Variants in SOX30 observed in about 807,000 individuals in gnomAD.
SOX30 encodes transcription factor SOX-30.
SOX30 carries 17 observed loss-of-function variants against 58.6 expected under a neutral mutation model. That is an observed-to-expected ratio of 0.29 (90% CI 0.20 to 0.44). The LOEUF (loss-of-function observed/expected upper bound fraction) is 0.44. Among genes scored for constraint, SOX30 ranks in the 20% least tolerant of loss-of-function variants. SOX30 has a pLI of 1.00. For missense variants in SOX30, 951 were observed against 965.8 expected, an observed-to-expected ratio of 0.98 and a Z score of 0.20; for synonymous variants, 421 against 400.2, an observed-to-expected ratio of 1.05 and a Z score of -0.62.
intron 1 of SOX30, among the ~76,000 whole-genome samples, chr5:157,669,472 A>G (rs1255602235): frequency 1.3e-5 from 2 of 150,734 alleles, no homozygotes; most frequent in Non-Finnish European, 2.9e-5. Flanking sequence ...GGTGTGAGCC[A>G]CCGCGCCCAT....
At chr5:157,667,534 G>A (rs1759695492) in intron 2 of SOX30, among the ~76,000 whole-genome samples, 1 of 152,100 alleles carries the variant, frequency 6.6e-6, no homozygotes, top group Non-Finnish European at 1.5e-5. Flanking sequence ...AGGAATTTGA[G>A]AACAGCCTGG....
At chr5:157,659,897 G>A (rs542834299) in intron 2 of SOX30, among the ~76,000 whole-genome samples, 2 of 152,314 alleles carry the variant, frequency 1.3e-5, no homozygotes, top group African/African-American at 4.8e-5. Flanking sequence ...GAGTGTCTGG[G>A]TTAAGATATG....
At position 157,651,865 on chromosome 5, in the gene SOX30, G is replaced by T; in HGVS notation, c.214C>A (p.Gln72Lys). 3 of 1,562,276 alleles carry T rather than the reference G, an allele frequency of 1.9e-6. No individual in the cohort carries two copies. The South Asian group carries it at 3.5e-5, about 18-fold the overall frequency. ...GLQPAVRRLL[Q>K]VKPEQVLLLP... ...AGCAACACCTGCTCTGGCTTCACCT[G>T]CAGCAGCCGCCGCACCGCGGGCTGT... The change falls in exon 1 of 5, where the codon CAG becomes AAG. Residue 72 changes from glutamine to lysine, a missense_variant. By Grantham distance (53) the Gln-to-Lys change is moderately conservative. This residue lies in a region of SOX30 where 363 missense variants were observed against 294.5 expected (regional missense o/e 1.23). Coordinates refer to ENST00000265007, the MANE Select transcript of SOX30 (RefSeq NM_178424.2).
At chr5:157,633,739 G>A (rs1281929436) in intron 4 of SOX30, among the ~76,000 whole-genome samples, 1 of 152,006 alleles carries the variant, frequency 6.6e-6, no homozygotes, top group Non-Finnish European at 1.5e-5. Context: ...CAATTTAGAT[G>A]CTATTTCTAC....
chr5:157,633,791 C>A (rs1561579537), intron 4 of SOX30, among the ~76,000 whole-genome samples: 1 of 152,204 alleles, frequency 6.6e-6, no homozygotes, highest in Non-Finnish European at 1.5e-5. Context: ...TACAATATAT[C>A]TGAGTGTATT....
chr5:157,665,911 T>C (rs1330195191), intron 2 of SOX30, among the ~76,000 whole-genome samples: 2 of 148,426 alleles, frequency 1.3e-5, no homozygotes, highest in African/African-American at 4.9e-5. Context: ...CTTTTTTTTT[T>C]TTTTTTTTTT....
intron 3 of SOX30, among the ~76,000 whole-genome samples, chr5:157,641,466 A>G (rs890928855): frequency 6.6e-6 from 1 of 152,126 alleles, no homozygotes; most frequent in South Asian, 2.1e-4. Flanking sequence ...TACAAAAATT[A>G]GCCGGGCTTG....
upstream of SOX30, among the ~76,000 whole-genome samples, chr5:157,655,374 C>A (rs1759452131): frequency 2.6e-5 from 4 of 152,158 alleles, no homozygotes; most frequent in South Asian, 8.3e-4. Context: ...GGGTTAGAAG[C>A]CCAACTTAGG....
chr5:157,640,049 G>A (rs995721411), intron 3 of SOX30, among the ~76,000 whole-genome samples: 1 of 152,198 alleles, frequency 6.6e-6, no homozygotes, highest in Non-Finnish European at 1.5e-5. Flanking sequence ...CTATCTGTGA[G>A]GCACAGGCCC....
intron 3 of SOX30, among the ~76,000 whole-genome samples, chr5:157,645,103 T>C (rs1288142527): frequency 1.3e-5 from 2 of 152,204 alleles, no homozygotes. Flanking sequence ...AGTGCCTGCC[T>C]GTGCTAGGAC....
chr5:157,670,431 C>T (rs930894933), intron 1 of SOX30, among the ~76,000 whole-genome samples: 2 of 152,092 alleles, frequency 1.3e-5, no homozygotes, highest in African/African-American at 4.8e-5. Context: ...TGAGATAATC[C>T]AGGTAAAGAG....
At chr5:157,658,127 G>T (rs1274166172) in intron 2 of SOX30, among the ~76,000 whole-genome samples, 1 of 152,276 alleles carries the variant, frequency 6.6e-6, no homozygotes, top group East Asian at 1.9e-4. Flanking sequence ...CTATGGCAGG[G>T]CTCAGCTCTG....
Position 157,652,392 on chromosome 5 carries a change from C to A in SOX30, c.-314G>T, listed in dbSNP as rs528410714. 421 of 1,097,128 alleles carry A rather than the reference C, an allele frequency of 3.8e-4. No individual in the cohort carries two copies. Among genetic ancestry groups the A allele is most frequent in the Middle Eastern group, 1.2e-3 (3 of 2,586 alleles). The allele number at this position is 1,097,128 out of a possible 1,614,324, so 68.0% of individuals were successfully genotyped here. A position where few individuals can be genotyped will look rare whatever the true frequency, so the allele number is the denominator to read the frequency against. ...CTGACTCTCTTGTGGAGTTCTCTTACAGCCGTTGTCTTTAGTCATCCCTCC... is the reference window on the plus strand; with the variant it reads ...CTGACTCTCTTGTGGAGTTCTCTTAAAGCCGTTGTCTTTAGTCATCCCTCC... On this transcript the variant is annotated 5_prime_UTR_variant, in exon 1 of 5. Transcript: ENST00000265007.
chr5:157,648,892 T>A lies in SOX30; in HGVS notation c.972A>T (p.Ile324=), dbSNP rs781537348. Residue 324 remains isoleucine, a synonymous_variant, in exon 2 of 5, where the codon ATA becomes ATT. Transcript: ENST00000265007. ...PLTVLPSDAG[I]PDTPFSKDRN... ...TGTCCTTACTGAAGGGAGTATCTGG[T>A]ATGCCTACATGACAAAAATTAAAAG... 1.2e-6 allele frequency: 2 copies of A among 1,600,648 alleles called. No homozygotes were observed. Among genetic ancestry groups the A allele is most frequent in the Non-Finnish European group, 1.7e-6 (2 of 1,173,728 alleles).
intron 4 of SOX30, among the ~76,000 whole-genome samples, chr5:157,631,051 A>ATATATATATATACAATATATATATTT (rs1554087775): frequency 0.05 from 2,036 of 40,560 alleles, 68 homozygotes; most frequent in African/African-American, 0.16. Flanking sequence ...TATATTTTAT[A>ATATATATATATACAATATATATATTT]TATATATATA....
At chr5:157,670,296 A>G (rs1759752931) in intron 1 of SOX30, among the ~76,000 whole-genome samples, 1 of 152,216 alleles carries the variant, frequency 6.6e-6, no homozygotes. Flanking sequence ...CAAGACAGTC[A>G]TGGCCCCTTT....
chr5:157,656,982 T>A (rs936073246), upstream of SOX30, among the ~76,000 whole-genome samples: 1 of 152,228 alleles, frequency 6.6e-6, no homozygotes, highest in Non-Finnish European at 1.5e-5. Flanking sequence ...AACAAAAATA[T>A]GTAAAGGGTT....
rs752358794 is a variant in SOX30 at position 157,626,545 on chromosome 5, C to T, written c.2057G>A (p.Arg686Gln). The change falls in exon 5 of 5, where the codon CGG (arginine) becomes CAG (glutamine). Residue 686 changes from arginine to glutamine, a missense_variant. Transcript: ENST00000265007. ...AGTTCCATTCATGTTCTCACAACTC[C>T]GAGAATTTTCACTGTGTGTGCATTC... Reference protein sequence around the residue: ...SSECTHSENSRSCENMNGTSY... With the variant: ...SSECTHSENSQSCENMNGTSY... The T allele has an allele frequency of 1.7e-5, 27 of 1,613,948 alleles. No homozygotes were observed. Among genetic ancestry groups the T allele is most frequent in the South Asian group, 5.5e-5 (5 of 91,082 alleles).
chr5:157,632,211 T>C (rs1416803216), intron 4 of SOX30, among the ~76,000 whole-genome samples: 8 of 152,144 alleles, frequency 5.3e-5, no homozygotes, highest in Non-Finnish European at 1.0e-4. Context: ...ACTGTGTTAG[T>C]GCATGATTGC....
Sources: gnomAD v4.1 joint callset for allele counts (sites outside exome capture counted in the v4.1 genomes callset) on GRCh38, gnomAD v4.1.1 for gene constraint, gnomAD v4.1.1 regional missense constraint, MANE v1.5 for transcripts, NCBI Gene and HGNC (gene_info 2026-07-23, HGNC 2026-07-21) for gene names.